Variants in CARMIL1 observed in about 807,000 individuals in gnomAD.
The protein encoded by CARMIL1 is F-actin-uncapping protein LRRC16A.
A neutral mutation model predicts 177.1 loss-of-function variants in CARMIL1; 90 were observed. That is an observed-to-expected ratio of 0.51 (90% confidence interval 0.43 to 0.61). The LOEUF (loss-of-function observed/expected upper bound fraction) is 0.61, where lower values mean the gene tolerates loss of function less well. Among genes scored for constraint, CARMIL1 ranks in the 20% least tolerant of loss-of-function variants. The pLI is 0.00. For synonymous variants in CARMIL1, 577 were observed against 606.2 expected, an observed-to-expected ratio of 0.95 and a Z score of 0.71; for missense variants, 1,380 against 1,667.0, an observed-to-expected ratio of 0.83 and a Z score of 3.00.
At chr6:25,526,192 A>G (rs1026217713) in intron 23 of CARMIL1, among the ~76,000 whole-genome samples, 5 of 150,528 alleles carry the variant, frequency 3.3e-5, no homozygotes, top group Non-Finnish European at 7.4e-5. Flanking sequence ...TAAATAAATA[A>G]ATAAGCCAGG....
At chr6:25,401,744 A>G (rs888070224) in intron 2 of CARMIL1, among the ~76,000 whole-genome samples, 2 of 152,226 alleles carry the variant, frequency 1.3e-5, no homozygotes, top group African/African-American at 4.8e-5. Flanking sequence ...TTGCTGATGA[A>G]TAAATGAACC....
intron 2 of CARMIL1, among the ~76,000 whole-genome samples, chr6:25,388,855 TTTTGTAACAAAAAA>T (rs1792454057): frequency 6.6e-6 from 1 of 151,800 alleles, no homozygotes; most frequent in Admixed American, 6.6e-5. Context: ...TTTACAATTT[TTTTGTAACAAAAAA>T]GGGAGGCTTC....
intron 4 of CARMIL1, among the ~76,000 whole-genome samples, chr6:25,430,115 A>T (rs1796616868): frequency 6.6e-6 from 1 of 151,942 alleles, no homozygotes; most frequent in African/African-American, 2.4e-5. Context: ...AAGTGTTGGG[A>T]TTACAGGCCT....
intron 2 of CARMIL1, among the ~76,000 whole-genome samples, chr6:25,401,961 T>C (rs1302653518): frequency 6.6e-6 from 1 of 151,968 alleles, no homozygotes; most frequent in Non-Finnish European, 1.5e-5. Context: ...CTCAGCCTAC[T>C]GAATTTGACA....
chr6:25,526,922 T>G (rs886923514), intron 23 of CARMIL1, among the ~76,000 whole-genome samples: 13 of 152,144 alleles, frequency 8.5e-5, no homozygotes, highest in African/African-American at 2.9e-4. Flanking sequence ...TGGATTTTTG[T>G]CTTCTGGAAA....
rs1799860998 is a variant in CARMIL1, at chr6:25,459,259, T to TTTCTTTCTTTCTTTC, written c.615-6604_615-6603insCTTTCTTCTTTCTTT. 4.8e-5 allele frequency among the ~76,000 whole-genome samples: 6 copies of TTTCTTTCTTTCTTTC among 123,800 alleles called. 1 individual carries two copies. Among genetic ancestry groups the TTTCTTTCTTTCTTTC allele is most frequent in the Admixed American group, 9.2e-5 (1 of 10,832 alleles). 81.2% of individuals were successfully genotyped at this position (123,800 alleles called of 152,430 possible). A position where few individuals can be genotyped will look rare whatever the true frequency, so the allele number is the denominator to read the frequency against. On this transcript the variant is annotated intron_variant, in intron 8 of 36. Transcript: ENST00000329474. The stretch of plus-strand genomic sequence containing the variant: ...CTTTCTTTCTTTCTTTCTTTCTTTC[T>TTTCTTTCTTTCTTTC]TTCTTTCTTTTTTTTTTTTTTAAGA...
intron 23 of CARMIL1, among the ~76,000 whole-genome samples, chr6:25,525,262 C>T (rs1806980341): frequency 6.6e-6 from 1 of 152,012 alleles, no homozygotes; most frequent in South Asian, 2.1e-4. Flanking sequence ...TATTGAGAAA[C>T]GAGGATAAGA....
chr6:25,283,635 G>C (rs965051854), intron 1 of CARMIL1, among the ~76,000 whole-genome samples: 2 of 152,124 alleles, frequency 1.3e-5, no homozygotes, highest in Admixed American at 1.3e-4. Flanking sequence ...CTTCTTGGGG[G>C]TATTGTGCTG....
At chr6:25,306,502 C>A (rs930343225) in intron 2 of CARMIL1, among the ~76,000 whole-genome samples, 3 of 152,144 alleles carry the variant, frequency 2.0e-5, no homozygotes, top group Admixed American at 1.3e-4. Context: ...TCTCCTCCCC[C>A]CCACTTTTAT....
At chr6:25,407,822 G>A (rs943657011) in intron 2 of CARMIL1, among the ~76,000 whole-genome samples, 1 of 152,216 alleles carries the variant, frequency 6.6e-6, no homozygotes, top group Admixed American at 6.5e-5. Flanking sequence ...AATAAACAGG[G>A]TAGTGGTAGT....
chr6:25,322,192 A>G (rs7759828), intron 2 of CARMIL1, among the ~76,000 whole-genome samples: 41,957 of 152,008 alleles, frequency 0.28, 6,241 homozygotes, highest in East Asian at 0.41. Flanking sequence ...GCACTATCTC[A>G]GCTCACTGCA....
chr6:25,565,232 GGTTT>G (rs1195443817), intron 29 of CARMIL1, among the ~76,000 whole-genome samples: 1 of 152,088 alleles, frequency 6.6e-6, no homozygotes, highest in Non-Finnish European at 1.5e-5. Flanking sequence ...CTCACTTAAG[GGTTT>G]GTTTGTCATT....
intron 8 of CARMIL1, among the ~76,000 whole-genome samples, chr6:25,460,378 G>A (rs1800017937): frequency 6.6e-6 from 1 of 152,080 alleles, no homozygotes; most frequent in African/African-American, 2.4e-5. Flanking sequence ...ATTATTACTG[G>A]TTCCATAATT....
chr6:25,450,374 T>C lies in CARMIL1; in HGVS notation c.505T>C (p.Trp169Arg). 6.2e-7 allele frequency: 1 copy of C among 1,613,892 alleles called. No individual in the cohort carries two copies. The highest frequency in any genetic ancestry group is 8.5e-7 in the Non-Finnish European group (1 of 1,179,798). ...TCAGATGTATGCCTGTGTTTGTGAC[T>C]GGCTTGGATTTTCATACAGGGAAGA... is the stretch of plus-strand genomic sequence containing the variant. ...FSQMYACVCD[W>R]LGFSYREEVQ... The change falls in exon 7 of 37, where the codon TGG becomes CGG. Residue 169 changes from tryptophan to arginine, a missense_variant. Transcript: ENST00000329474.
At chr6:25,453,858 G>A (rs1315385298) in intron 8 of CARMIL1, among the ~76,000 whole-genome samples, 2 of 152,168 alleles carry the variant, frequency 1.3e-5, no homozygotes, top group Admixed American at 6.5e-5. Flanking sequence ...CTGTAGGGCA[G>A]CTTGAGGCGT....
chr6:25,330,710 AT>A, intron 2 of CARMIL1, among the ~76,000 whole-genome samples: 1 of 150,700 alleles, frequency 6.6e-6, no homozygotes, highest in South Asian at 2.1e-4. Context: ...AAAAAGACAG[AT>A]GAGGATGGGA....
chr6:25,296,935 T>TAACTAAC (rs11414122), intron 2 of CARMIL1, among the ~76,000 whole-genome samples: 31 of 136,444 alleles, frequency 2.3e-4, no homozygotes, highest in Middle Eastern at 3.7e-3. Flanking sequence ...CTATCTATCT[T>TAACTAAC]TAACTAACTA....
At chr6:25,487,132 C>T (rs1802740636) in intron 12 of CARMIL1, among the ~76,000 whole-genome samples, 1 of 152,202 alleles carries the variant, frequency 6.6e-6, no homozygotes, top group African/African-American at 2.4e-5. Context: ...TTATCAGACA[C>T]ACACTAGAAT....
chr6:25,459,269 T>TCTTTCTTTCTCTTTC (rs56094712), intron 8 of CARMIL1, among the ~76,000 whole-genome samples: 11 of 118,212 alleles, frequency 9.3e-5, no homozygotes, highest in African/African-American at 3.2e-4. Flanking sequence ...TTTCTTTCTT[T>TCTTTCTTTCTCTTTC]TTTTTTTTTT....
Sources: gnomAD v4.1 joint callset for allele counts (sites outside exome capture counted in the v4.1 genomes callset) on GRCh38, gnomAD v4.1.1 for gene constraint, MANE v1.5 for transcripts, NCBI Gene and HGNC (gene_info 2026-07-23, HGNC 2026-07-21) for gene names.